The following TRHDE variants were observed in gnomAD, a reference collection of about 807,000 sequenced individuals.
The protein encoded by TRHDE is thyrotropin releasing hormone degrading enzyme, also known as thyrotropin-releasing hormone-degrading ectoenzyme.
TRHDE carries 72 observed loss-of-function variants against 125.7 expected under a neutral mutation model. The observed-to-expected ratio is 0.57, with a 90% CI of 0.47 to 0.70. The LOEUF is 0.70. TRHDE is among the 30% of genes least tolerant of loss of function. The probability of loss-of-function intolerance (pLI) is 0.00; values close to 1 mark genes in which losing one functional copy is unlikely to be tolerated. For synonymous variants in TRHDE, 509 were observed against 509.1 expected (o/e 1.00, Z 0.00); for missense variants, 1,110 against 1,327.1 (o/e 0.84, Z 2.54).
chr12:72,360,115 C>A (rs1871001651), intron 2 of TRHDE, among the ~76,000 whole-genome samples: 1 of 151,706 alleles, frequency 6.6e-6, no homozygotes, highest in South Asian at 2.1e-4. Flanking sequence ...AATGGAAGGC[C>A]TGACTTTGAA....
chr12:72,555,469 G>GAAA (rs1869876634), intron 7 of TRHDE, among the ~76,000 whole-genome samples: 1 of 151,490 alleles, frequency 6.6e-6, no homozygotes, highest in Admixed American at 6.6e-5. Context: ...TAATAATAAA[G>GAAA]GTTTCAATAA....
chr12:72,297,974 A>T (rs1277734025), intron 2 of TRHDE, among the ~76,000 whole-genome samples: 1 of 152,176 alleles, frequency 6.6e-6, no homozygotes, highest in Non-Finnish European at 1.5e-5. Context: ...CCATTGGGAT[A>T]TTGATATAAT....
intron 1 of TRHDE, among the ~76,000 whole-genome samples, chr12:72,096,425 T>C (rs1874924053): frequency 2.0e-5 from 3 of 152,218 alleles, no homozygotes. Context: ...CTTCCTCAGT[T>C]ATGGAGATTA....
intron 12 of TRHDE, among the ~76,000 whole-genome samples, chr12:72,576,294 T>A (rs1870990944): frequency 6.6e-6 from 1 of 152,156 alleles, no homozygotes; most frequent in South Asian, 2.1e-4. Flanking sequence ...CTGGTTATCA[T>A]GATTTACCAC....
At chr12:72,462,632 A>G (rs1876178788) in intron 3 of TRHDE, among the ~76,000 whole-genome samples, 1 of 152,214 alleles carries the variant, frequency 6.6e-6, no homozygotes. Context: ...ATGAACAGTT[A>G]AGATTAAAAC....
intron 2 of TRHDE, among the ~76,000 whole-genome samples, chr12:72,108,329 A>G (rs1008161241): frequency 2.0e-5 from 3 of 152,104 alleles, no homozygotes; most frequent in African/African-American, 7.2e-5. Context: ...AACAGTTCTT[A>G]CCCCTCATCC....
chr12:72,483,333 T>G (rs1006803009), intron 5 of TRHDE, among the ~76,000 whole-genome samples: 2 of 152,014 alleles, frequency 1.3e-5, no homozygotes, highest in Non-Finnish European at 2.9e-5. Context: ...GAATTAAATT[T>G]TTGGCTGTCT....
rs74676633 is a variant in TRHDE at position 72,428,788 on chromosome 12, G to A, written c.1316-40970G>A. On this transcript the variant is annotated intron_variant, in intron 3 of 18. Coordinates refer to ENST00000261180, the MANE Select transcript of TRHDE (RefSeq NM_013381.3). ...ATACCCTGCCTAAAAATCTAACTAC[G>A]AATCTACTTTATATCTGTGCAGCTT... is the stretch of plus-strand genomic sequence containing the variant. Among the ~76,000 whole-genome samples, 228 of 152,106 alleles carry A rather than the reference G, an allele frequency of 1.5e-3. 5 individuals carry two copies. The East Asian group carries it at 0.03, about 20-fold the overall frequency.
Position 72,286,941 on chromosome 12 carries a change from A to G in TRHDE, c.1175A>G (p.Lys392Arg). The change falls in exon 2 of 19, where the codon AAG (lysine) becomes AGG (arginine). Residue 392 changes from lysine (K) to arginine (R), a missense_variant. Transcript: ENST00000261180. ...CNFTYRETTT[K>R]SGVVVRLYAR... ...TTCACATACAGAGAAACTACCACCA[A>G]GAGTGGGGTTGTAGTAAGTATTTTC... is the stretch of plus-strand genomic sequence containing the variant. 6.2e-7 allele frequency: 1 copy of G among 1,613,844 alleles called. No individual in the cohort carries two copies. The highest frequency in any genetic ancestry group is 8.5e-7 in the Non-Finnish European group (1 of 1,179,898).
intron 6 of TRHDE, among the ~76,000 whole-genome samples, chr12:72,536,333 T>C (rs1868856772): frequency 6.6e-6 from 1 of 152,108 alleles, no homozygotes; most frequent in Non-Finnish European, 1.5e-5. Context: ...TGCAAAAGAT[T>C]TATTTGTTAA....
intron 2 of TRHDE, among the ~76,000 whole-genome samples, chr12:72,245,318 G>GATAGAT (rs1185715512): frequency 7.3e-6 from 1 of 137,740 alleles, no homozygotes; most frequent in African/African-American, 3.5e-5. Flanking sequence ...TGGATAGGTA[G>GATAGAT]ATAGATATAG....
intron 2 of TRHDE, among the ~76,000 whole-genome samples, chr12:72,330,812 TAC>T (rs1869559051): frequency 1.3e-5 from 2 of 152,300 alleles, no homozygotes; most frequent in East Asian, 1.9e-4. Context: ...GGTTTACACC[TAC>T]AGTTTCCTTA....
chr12:72,373,413 A>G (rs532225068), intron 2 of TRHDE, among the ~76,000 whole-genome samples: 63 of 152,274 alleles, frequency 4.1e-4, no homozygotes, highest in African/African-American at 1.4e-3. Context: ...CCTGGCCAGA[A>G]CTTCCAACAC....
At chr12:72,488,627 C>A (rs1406908019) in intron 5 of TRHDE, among the ~76,000 whole-genome samples, 3 of 151,878 alleles carry the variant, frequency 2.0e-5, no homozygotes, top group Non-Finnish European at 4.4e-5. Context: ...AAATATTGTA[C>A]TTGAGTTGCA....
In TRHDE at chr12:72,562,845, T is replaced by C. The variant is rs1286337065; in HGVS notation, c.1855-8T>C. 1 of 1,530,278 alleles carries C rather than the reference T, an allele frequency of 6.5e-7. No individual in the cohort carries two copies. Among genetic ancestry groups the C allele is most frequent in the South Asian group, 1.3e-5 (1 of 78,016 alleles). The allele number at this position is 1,530,278 out of a possible 1,614,324, so 94.8% of individuals were successfully genotyped here. ...ATAAAACTAATTTGTACATTTTTCC[T>C]TGTGAAGGCTTTAAAAAGAAATGGG... On this transcript the variant is annotated splice_polypyrimidine_tract_variant and splice_region_variant and intron_variant, in intron 8 of 18. Transcript: ENST00000261180.
chr12:72,431,851 T>C (rs553088425), intron 3 of TRHDE: 2 of 154,492 alleles, frequency 1.3e-5, no homozygotes, highest in South Asian at 4.0e-4. Context: ...ACAGATGTTT[T>C]GAAGTTCTGA....
At chr12:72,632,303 G>A (rs992344052) in intron 15 of TRHDE, among the ~76,000 whole-genome samples, 6 of 151,854 alleles carry the variant, frequency 4.0e-5, no homozygotes, top group African/African-American at 1.2e-4. Flanking sequence ...ATGATAGCAG[G>A]TACTTAGATT....
chr12:72,475,750 A>G (rs1565757032), intron 5 of TRHDE, among the ~76,000 whole-genome samples: 1 of 152,336 alleles, frequency 6.6e-6, no homozygotes, highest in East Asian at 1.9e-4. Context: ...TCACTTCTAA[A>G]TCCATATTTA....
In TRHDE at chr12:72,174,892, G is replaced by T. The variant is rs193056354; in HGVS notation, n.279+69140G>T. ...GCTATTACTAAATAATCTACAGGGA[G>T]CTATATTGTCAAAGTAAATATCTTG... On this transcript the variant is annotated intron_variant and non_coding_transcript_variant, in intron 2 of 4. Transcript: ENST00000548156. Among the ~76,000 whole-genome samples the T allele has an allele frequency of 2.5e-3, 379 of 152,256 alleles. 5 individuals are homozygous for T. The highest frequency in any genetic ancestry group is 0.023 in the Admixed American group (351 of 15,292).
Sources: gnomAD v4.1 joint callset for allele counts (sites outside exome capture counted in the v4.1 genomes callset) on GRCh38, gnomAD v4.1.1 for gene constraint, MANE v1.5 for transcripts, NCBI Gene and HGNC (gene_info 2026-07-23, HGNC 2026-07-21) for gene names.